Variants in GNPTG observed in about 807,000 individuals in gnomAD.
The protein encoded by GNPTG is N-acetylglucosamine-1-phosphate transferase subunit gamma.
Under a neutral mutation model 43.8 loss-of-function variants are expected in GNPTG, and 46 were observed. That is an observed-to-expected ratio of 1.05 (90% CI 0.83 to 1.34). The LOEUF is 1.34. Among genes scored for constraint, GNPTG ranks in the 40% most tolerant of loss-of-function variants. The pLI is 0.00. For missense variants in GNPTG, 549 were observed against 411.3 expected, an observed-to-expected ratio of 1.33 and a Z score of -2.90; for synonymous variants, 250 against 172.8, an observed-to-expected ratio of 1.45 and a Z score of -3.50.
At chr16:1,357,523 G>T (rs192368474) in intron 3 of GNPTG, among the ~76,000 whole-genome samples, 7 of 149,306 alleles carry the variant, frequency 4.7e-5, no homozygotes, top group Non-Finnish European at 8.9e-5. Context: ...GCCGAGTGTC[G>T]CTGTGTCGCC....
chr16:1,362,810 T>TA lies in GNPTG; in HGVS notation c.742-15_742-14insA, dbSNP rs764994151. 2 of 1,613,962 alleles carry TA rather than the reference T, an allele frequency of 1.2e-6. No individual in the cohort carries two copies. Among genetic ancestry groups the TA allele is most frequent in the Non-Finnish European group, 1.7e-6 (2 of 1,180,002 alleles). On this transcript the variant is annotated splice_polypyrimidine_tract_variant and intron_variant, in intron 9 of 10. Transcript: ENST00000204679. ...GCACCTGGGCTTTCCCTTGAACTCTTTTTGTGGTTGGTAGGCTCATAAAGA... is the reference window on the plus strand; with the variant it reads ...GCACCTGGGCTTTCCCTTGAACTCTTATTTGTGGTTGGTAGGCTCATAAAGA...
chr16:1,354,585 C>CAAAAAAAAAAAAAAAAAAAAAAAAAAAA (rs869067502), intron 3 of GNPTG, among the ~76,000 whole-genome samples: 1 of 44,370 alleles, frequency 2.3e-5, no homozygotes, highest in African/African-American at 8.0e-5. Context: ...GACTTCGTCT[C>CAAAAAAAAAAAAAAAAAAAAAAAAAAAA]AAAAAAAAAA....
rs1185534167 is a variant in GNPTG at position 1,363,134 on chromosome 16, A to C, written c.*43A>C. The C allele has an allele frequency of 6.3e-7, 1 of 1,578,088 alleles. No individual in the cohort carries two copies. The highest frequency in any genetic ancestry group is 8.7e-7 in the Non-Finnish European group (1 of 1,153,982). On this transcript the variant is annotated 3_prime_UTR_variant, in exon 11 of 11. Transcript: ENST00000204679. ...AGAGGTGGACGCGGCCGAGAGCCCT[A>C]CAGAGAAGCTGGCTGGTAGGACCCG...
chr16:1,362,800 C>T (rs756918285), intron 9 of GNPTG, 25 bp from the exon 10 acceptor site: 2 of 1,614,066 alleles, frequency 1.2e-6, no homozygotes, highest in Admixed American at 1.7e-5. Context: ...TGGGCTTTCC[C>T]TTGAACTCTT....
At chr16:1,352,952 G>A (rs930143670) in intron 3 of GNPTG, among the ~76,000 whole-genome samples, 1 of 145,644 alleles carries the variant, frequency 6.9e-6, no homozygotes, top group African/African-American at 2.6e-5. Flanking sequence ...AAATATAATA[G>A]ACAAAAATCC....
Position 1,363,116 on chromosome 16 carries a change from G to A in GNPTG, c.*25G>A. On this transcript the variant is annotated 3_prime_UTR_variant, in exon 11 of 11. Transcript: ENST00000204679. Reference sequence around the variant, plus strand: ...ACCTTGTGGTGGGAGAGCAGAGGTGGACGCGGCCGAGAGCCCTACAGAGAA... The same window carrying A: ...ACCTTGTGGTGGGAGAGCAGAGGTGAACGCGGCCGAGAGCCCTACAGAGAA... The A allele has an allele frequency of 6.2e-7, 1 of 1,605,790 alleles. No individual in the cohort carries two copies.
At chr16:1,362,766 G>A (rs753661059) in intron 9 of GNPTG, 24 bp downstream of exon 9, 35 of 1,613,998 alleles carry the variant, frequency 2.2e-5, no homozygotes, top group Middle Eastern at 3.3e-4. Flanking sequence ...GGGAGGTGGT[G>A]GCACGCAGTA....
Position 1,352,128 on chromosome 16 carries a change from A to G in GNPTG, c.79A>G (p.Met27Val). 1 of 1,582,710 alleles carries G rather than the reference A, an allele frequency of 6.3e-7. No individual in the cohort carries two copies. The highest frequency in any genetic ancestry group is 8.6e-7 in the Non-Finnish European group (1 of 1,166,158). Reference sequence around the variant, plus strand: ...GCCCGCGCCGGCAGGTGCAGCGAAGATGAAGGTGGTGGAGGAGCCCAACGC... The same window carrying G: ...GCCCGCGCCGGCAGGTGCAGCGAAGGTGAAGGTGGTGGAGGAGCCCAACGC... The part of the protein sequence containing the change: ...GGPAPAGAAK[M>V]KVVEEPNAFG... The change falls in exon 2 of 11, where the codon ATG becomes GTG. Residue 27 changes from methionine (M) to valine (V), a missense_variant. Transcript: ENST00000204679.
Position 1,362,196 on chromosome 16 carries a change from C to G in GNPTG, c.412-10C>G. 5.0e-6 allele frequency: 8 copies of G among 1,613,480 alleles called. No individual in the cohort carries two copies. Among genetic ancestry groups the G allele is most frequent in the Non-Finnish European group, 6.8e-6 (8 of 1,179,914 alleles). On this transcript the variant is annotated splice_polypyrimidine_tract_variant and intron_variant, in intron 6 of 10. Coordinates refer to ENST00000204679, the MANE Select transcript of GNPTG (RefSeq NM_032520.5). ...TCTCCCCAACCCACCTACCCACGTT[C>G]CCTCCCCAGGTGGAGCTGGCGTGTG... is the stretch of plus-strand genomic sequence containing the variant.
intron 3 of GNPTG, among the ~76,000 whole-genome samples, chr16:1,357,255 T>G (rs1055473800): frequency 6.6e-6 from 1 of 152,158 alleles, no homozygotes; most frequent in African/African-American, 2.4e-5. Context: ...CAGGGCAGCC[T>G]GGCCATCTTG....
chr16:1,352,206 C>T (rs1462201167), intron 2 of GNPTG, 33 bp from the exon 3 acceptor site: 2 of 1,551,606 alleles, frequency 1.3e-6, no homozygotes, highest in South Asian at 1.2e-5. Context: ...ACGGCCCGGG[C>T]CCGTTCCCCG....
chr16:1,355,546 CAGG>C (rs2034761126), intron 3 of GNPTG, among the ~76,000 whole-genome samples: 1 of 152,050 alleles, frequency 6.6e-6, no homozygotes, highest in Non-Finnish European at 1.5e-5. Flanking sequence ...CCCTTGACAG[CAGG>C]AGGAGCAGAG....
intron 3 of GNPTG, chr16:1,352,557 C>T (rs770276496): frequency 3.7e-6 from 2 of 540,678 alleles, no homozygotes; most frequent in Non-Finnish European, 6.7e-6. Flanking sequence ...ACTTTGCAGA[C>T]GCGTTTCTGT....
rs373806009 is a variant in GNPTG, at chr16:1,362,979, C to T, written c.824-18C>T. 8.1e-6 allele frequency: 13 copies of T among 1,613,914 alleles called. No homozygotes were observed. The African/African-American group carries it at 1.5e-4, about 18-fold the overall frequency. ...CCTGTGGGTCCAGGTGAGGACTGGCCACCTGGTGTTTTGGCAGAAACTTCC... is the reference window on the plus strand; with the variant it reads ...CCTGTGGGTCCAGGTGAGGACTGGCTACCTGGTGTTTTGGCAGAAACTTCC... On this transcript the variant is annotated intron_variant, in intron 10 of 10. Coordinates refer to ENST00000204679, the MANE Select transcript of GNPTG (RefSeq NM_032520.5).
chr16:1,352,791 A>G (rs1434132227), intron 3 of GNPTG, among the ~76,000 whole-genome samples: 3 of 151,784 alleles, frequency 2.0e-5, no homozygotes, highest in Non-Finnish European at 2.9e-5. Context: ...GGTTCTTGCC[A>G]TTTTTTTGGC....
At position 1,363,452 on chromosome 16, in the gene GNPTG, G is replaced by A. The variant is rs977689038; in HGVS notation, c.*361G>A. ...AAATTAATCCACTTGAGGCGTCCAC[G>A]CGGAACAAGGTCTGCTGACCACAGT... On this transcript the variant is annotated 3_prime_UTR_variant, in exon 11 of 11. Coordinates refer to ENST00000204679, the MANE Select transcript of GNPTG (RefSeq NM_032520.5). 6.7e-5 allele frequency: 23 copies of A among 344,524 alleles called. No individual in the cohort carries two copies. The highest frequency in any genetic ancestry group is 1.5e-4 in the East Asian group (2 of 12,950). The allele number at this position is 344,524 out of a possible 1,614,324, so 21.3% of individuals were successfully genotyped here.
rs1396732854 is a variant in GNPTG at position 1,352,966 on chromosome 16, A to AT, written c.178+660_178+661insT. On this transcript the variant is annotated intron_variant, in intron 3 of 10. Transcript: ENST00000204679. Reference sequence around the variant, plus strand: ...TAAATATAATAGACAAAAATCCAAGAATTTTTTTTTTTTTTTTTTTGAGAC... The same window carrying AT: ...TAAATATAATAGACAAAAATCCAAGATATTTTTTTTTTTTTTTTTTTGAGAC... Among the ~76,000 whole-genome samples the AT allele has an allele frequency of 7.7e-5, 6 of 77,428 alleles. No homozygotes were observed. In the South Asian group the frequency reaches 2.1e-3, roughly 28 times the overall value. 50.8% of individuals were successfully genotyped at this position (77,428 alleles called of 152,430 possible). A position where few individuals can be genotyped will look rare whatever the true frequency, so the allele number is the denominator to read the frequency against.
Position 1,352,267 on chromosome 16 carries a change from A to G in GNPTG, c.139A>G (p.Ser47Gly). ...GVNNPFLPQA[S>G]RLQAKRDPSP... ...GAACAACCCGTTCTTGCCTCAGGCC[A>G]GTCGCCTCCAGGCCAAGAGGGATCC... Residue 47 changes from serine (S) to glycine (G), a missense_variant, in exon 3 of 11, where the codon AGT becomes GGT. Coordinates refer to ENST00000204679, the MANE Select transcript of GNPTG (RefSeq NM_032520.5). The G allele has an allele frequency of 6.5e-7, 1 of 1,548,440 alleles. No homozygotes were observed. Among genetic ancestry groups the G allele is most frequent in the Non-Finnish European group, 8.7e-7 (1 of 1,146,852 alleles).
At chr16:1,353,915 A>G (rs1301653566) in intron 3 of GNPTG, among the ~76,000 whole-genome samples, 5 of 152,246 alleles carry the variant, frequency 3.3e-5, no homozygotes, top group Non-Finnish European at 5.9e-5. Context: ...AAAGGCCTTG[A>G]GCAGGACAGC....
Sources: allele counts gnomAD v4.1 joint callset (sites outside exome capture counted in the v4.1 genomes callset), GRCh38; gene constraint gnomAD v4.1.1; transcripts MANE v1.5; gene names NCBI Gene and HGNC (gene_info 2026-07-23, HGNC 2026-07-21).